The following PITPNC1 variants were observed in gnomAD, a reference collection of about 807,000 sequenced individuals.
PITPNC1 encodes the protein phosphatidylinositol transfer protein cytoplasmic 1.
A neutral mutation model predicts 44.7 loss-of-function variants in PITPNC1; 18 were observed. The observed-to-expected ratio is 0.40, with a 90% CI of 0.28 to 0.60. PITPNC1 has a LOEUF of 0.60. Ranked by LOEUF, PITPNC1 falls within the 20% of genes least tolerant of loss-of-function variation. PITPNC1 has a pLI of 0.39. For missense variants in PITPNC1, 290 were observed against 418.4 expected (o/e 0.69, Z 2.68); for synonymous variants, 141 against 149.6 (o/e 0.94, Z 0.42).
At chr17:67,481,080 G>A (rs576628921) in intron 1 of PITPNC1, among the ~76,000 whole-genome samples, 9 of 152,324 alleles carry the variant, frequency 5.9e-5, no homozygotes, top group Non-Finnish European at 1.3e-4. Context: ...AGTGGTGCAC[G>A]CCTGTAACCC....
chr17:67,522,471 C>T (rs1403058090), intron 1 of PITPNC1, among the ~76,000 whole-genome samples: 1 of 152,030 alleles, frequency 6.6e-6, no homozygotes, highest in African/African-American at 2.4e-5. Flanking sequence ...GCTTCTAAAC[C>T]AAAGGTTCAT....
chr17:67,689,202 C>CAAAT lies in PITPNC1; in HGVS notation c.683-3350_683-3347dup, dbSNP rs578210521. Among the ~76,000 whole-genome samples, 801 of 151,676 alleles carry CAAAT rather than the reference C, an allele frequency of 5.3e-3. 9 individuals carry two copies. Among genetic ancestry groups the CAAAT allele is most frequent in the African/African-American group, 0.018 (746 of 41,366 alleles). ...GGGCAACAAGAGTGCAACTCCATCT[C>CAAAT]AAATAAATAAATAAATAAATAAAGT... is the stretch of plus-strand genomic sequence containing the variant. On this transcript the variant is annotated intron_variant, in intron 8 of 8. Coordinates refer to ENST00000581322, the MANE Select transcript of PITPNC1 (RefSeq NM_012417.4).
At chr17:67,441,277 G>C (rs1292788764) in intron 1 of PITPNC1, among the ~76,000 whole-genome samples, 4 of 146,898 alleles carry the variant, frequency 2.7e-5, no homozygotes, top group African/African-American at 1.0e-4. Context: ...TATTTATTAA[G>C]CCCCCCCCCG....
At chr17:67,478,040 C>T (rs891765) in intron 1 of PITPNC1, among the ~76,000 whole-genome samples, 1 of 151,920 alleles carries the variant, frequency 6.6e-6, no homozygotes, top group Non-Finnish European at 1.5e-5. Flanking sequence ...GATTCTCTTA[C>T]ATTACCTCTA....
chr17:67,511,198 G>A (rs531843302), intron 1 of PITPNC1, among the ~76,000 whole-genome samples: 1 of 152,230 alleles, frequency 6.6e-6, no homozygotes, highest in Non-Finnish European at 1.5e-5. Flanking sequence ...TTTAATAGCT[G>A]TATTGTATTT....
At chr17:67,409,582 A>T (rs1247602910) in intron 1 of PITPNC1, among the ~76,000 whole-genome samples, 1 of 150,976 alleles carries the variant, frequency 6.6e-6, no homozygotes, top group Admixed American at 6.6e-5. Context: ...CTTGTTGCCC[A>T]GGTTGGAGTG....
intron 1 of PITPNC1, among the ~76,000 whole-genome samples, chr17:67,389,668 TTTG>T (rs141781886): frequency 0.039 from 5,847 of 151,742 alleles, 356 homozygotes; most frequent in African/African-American, 0.13. Context: ...TGTTTTTTGT[TTTG>T]TTGTTGTTGT....
At position 67,669,554 on chromosome 17, in the gene PITPNC1, G is replaced by A. The variant is rs371727466; in HGVS notation, c.509G>A (p.Arg170Lys). 1 of 1,611,040 alleles carries A rather than the reference G, an allele frequency of 6.2e-7. No individual in the cohort carries two copies. Among genetic ancestry groups the A allele is most frequent in the Non-Finnish European group, 8.5e-7 (1 of 1,178,182 alleles). The change falls in exon 7 of 9, where the codon AGG (arginine) becomes AAG (lysine). Residue 170 changes from arginine to lysine, a missense_variant. Physicochemically the swap from Arg to Lys is conservative, Grantham distance 26. Transcript: ENST00000581322. ...GAGAAGACAGGACGGGGACAGTTGA[G>A]GGAAGGCTGGAGAGATAGTCATCAG... ...KSEKTGRGQL[R>K]EGWRDSHQPI...
chr17:67,669,751 C>A, intron 7 of PITPNC1, 88 bp downstream of exon 7: 1 of 918,218 alleles, frequency 1.1e-6, no homozygotes, highest in Non-Finnish European at 1.7e-6. Flanking sequence ...AACAGGTGCA[C>A]AAATACATCA....
Position 67,394,680 on chromosome 17 carries a change from G to T in PITPNC1, c.48+16478G>T, listed in dbSNP as rs144488760. ...GCACTTTGGGAGGCCGAGGCGGGTG[G>T]ATCATGAGGTCAGGAGATCGAGACC... On this transcript the variant is annotated intron_variant, in intron 1 of 8. Transcript: ENST00000581322. Among the ~76,000 whole-genome samples, 5 of 152,236 alleles carry T rather than the reference G, an allele frequency of 3.3e-5. No individual in the cohort carries two copies. In the East Asian group the frequency reaches 9.7e-4, roughly 30 times the overall value.
chr17:67,513,625 A>T (rs1425614726), intron 1 of PITPNC1, among the ~76,000 whole-genome samples: 3 of 151,786 alleles, frequency 2.0e-5, no homozygotes, highest in Non-Finnish European at 4.4e-5. Flanking sequence ...GTGTTCTAGG[A>T]GTCACTAAGG....
rs66468403 is a variant in PITPNC1, at chr17:67,512,772, C to CT, written c.49-20019dup. 6.3e-3 allele frequency among the ~76,000 whole-genome samples: 918 copies of CT among 146,858 alleles called. 6 individuals are homozygous for CT. Among genetic ancestry groups the CT allele is most frequent in the African/African-American group, 0.019 (763 of 40,254 alleles). On this transcript the variant is annotated intron_variant, in intron 1 of 8. Transcript: ENST00000581322. ...ATTTAATTTTTGAGAATTTTATTGA[C>CT]TTTTTTTTTTTACCATAAGAAAAGC...
intron 4 of PITPNC1, among the ~76,000 whole-genome samples, chr17:67,555,670 T>TAAAA (rs2040827283): frequency 3.5e-5 from 1 of 28,962 alleles, no homozygotes; most frequent in African/African-American, 1.6e-4. Context: ...CTACTAAAAA[T>TAAAA]ACAAAAAAAA....
At chr17:67,403,651 C>T (rs891918769) in intron 1 of PITPNC1, among the ~76,000 whole-genome samples, 1 of 152,178 alleles carries the variant, frequency 6.6e-6, no homozygotes. Flanking sequence ...CTATTATCTT[C>T]ATTTAACAGA....
intron 4 of PITPNC1, among the ~76,000 whole-genome samples, chr17:67,570,559 T>G (rs2041040240): frequency 6.6e-6 from 1 of 152,096 alleles, no homozygotes; most frequent in Non-Finnish European, 1.5e-5. Context: ...TACAATGGAG[T>G]GGACCAACAT....
chr17:67,611,490 G>A (rs2041686546), intron 5 of PITPNC1: 1 of 152,210 alleles, frequency 6.6e-6, no homozygotes. Flanking sequence ...TTGAGACGGA[G>A]TTTTGTTCTT....
At chr17:67,427,630 G>A (rs868352292) in intron 1 of PITPNC1, among the ~76,000 whole-genome samples, 9 of 152,248 alleles carry the variant, frequency 5.9e-5, no homozygotes, top group Middle Eastern at 3.4e-3. Context: ...GGCTGCACCC[G>A]AGCTTGGCTG....
rs760478564 is a variant in PITPNC1 at position 67,578,274 on chromosome 17, T to G, written c.366+17T>G. 1.9e-6 allele frequency: 3 copies of G among 1,574,436 alleles called. No individual in the cohort carries two copies. The South Asian group carries it at 3.3e-5, about 17-fold the overall frequency. On this transcript the variant is annotated intron_variant, in intron 5 of 8. Coordinates refer to ENST00000581322, the MANE Select transcript of PITPNC1 (RefSeq NM_012417.4). ...AATGACACCGTGAGTAGCCCCTCCTTCCATGCTGCGCTCGCCTCGTGGGCT... is the reference window on the plus strand; with the variant it reads ...AATGACACCGTGAGTAGCCCCTCCTGCCATGCTGCGCTCGCCTCGTGGGCT...
At position 67,377,873 on chromosome 17, in the gene PITPNC1, G is replaced by A. The variant is rs1018421925; in HGVS notation, c.-282G>A. 4.1e-4 allele frequency: 153 copies of A among 374,312 alleles called. 1 individual carries two copies. Among genetic ancestry groups the A allele is most frequent in the Admixed American group, 6.7e-4 (14 of 20,986 alleles). 23.2% of individuals were successfully genotyped at this position (374,312 alleles called of 1,614,324 possible). A position where few individuals can be genotyped will look rare whatever the true frequency, so the allele number is the denominator to read the frequency against. ...GCAGCCGAGCAGAGTCGTCCCCAGCGGGTCTCCCTCCCTGCCTCCCTGACT... is the reference window on the plus strand; with the variant it reads ...GCAGCCGAGCAGAGTCGTCCCCAGCAGGTCTCCCTCCCTGCCTCCCTGACT... On this transcript the variant is annotated 5_prime_UTR_variant, in exon 1 of 9. Coordinates refer to ENST00000581322, the MANE Select transcript of PITPNC1 (RefSeq NM_012417.4).
Sources: gnomAD v4.1 joint callset for allele counts (sites outside exome capture counted in the v4.1 genomes callset) on GRCh38, gnomAD v4.1.1 for gene constraint, MANE v1.5 for transcripts, NCBI Gene and HGNC (gene_info 2026-07-23, HGNC 2026-07-21) for gene names.